The following SCIMP variants were observed in gnomAD, a reference collection of about 807,000 sequenced individuals.
The protein encoded by SCIMP is SLP adaptor and CSK interacting membrane protein.
In SCIMP, 18 loss-of-function variants were observed where a neutral mutation model predicts 22.0. That is an observed-to-expected ratio of 0.82 (90% CI 0.56 to 1.21). The LOEUF (loss-of-function observed/expected upper bound fraction) is 1.21, where lower values mean the gene tolerates loss of function less well. Ranked by LOEUF, SCIMP falls within the 50% of genes most tolerant of loss-of-function variation. The pLI, the probability that SCIMP is intolerant of heterozygous loss-of-function variation, is 0.00. For missense variants in SCIMP, 155 were observed against 171.2 expected (o/e 0.91, Z 0.53); for synonymous variants, 53 against 62.2 (o/e 0.85, Z 0.70).
intron 4 of SCIMP, chr17:5,213,692 C>CA (rs1317262457): frequency 2.6e-5 from 4 of 152,024 alleles, no homozygotes; most frequent in African/African-American, 9.7e-5. Context: ...ACTAAACATA[C>CA]AAAAAATTAG....
rs200038355 is a variant in SCIMP, at chr17:5,215,634, C to CA, written c.210-637dup. Among the ~76,000 whole-genome samples the CA allele has an allele frequency of 8.2e-3, 1,245 of 152,046 alleles. 16 individuals are homozygous for CA. The highest frequency in any genetic ancestry group is 0.028 in the African/African-American group (1,182 of 41,500). ...GTCTCAAAACAAACAAATAAAAAAA[C>CA]AAAAAACAAAAGCAGATGAACTCCT... On this transcript the variant is annotated intron_variant, in intron 3 of 4. Coordinates refer to ENST00000574081, the MANE Select transcript of SCIMP (RefSeq NM_207103.3).
intron 2 of SCIMP, 123 bp from the exon 3 acceptor site, chr17:5,221,473 A>G (rs551993721): frequency 1.7e-3 from 1,276 of 742,980 alleles, no homozygotes; most frequent in Non-Finnish European, 2.4e-3. Flanking sequence ...CTTAGAACCC[A>G]GACAGTCTAA....
chr17:5,228,965 C>T (rs2074673002), intron 1 of SCIMP, among the ~76,000 whole-genome samples: 1 of 152,182 alleles, frequency 6.6e-6, no homozygotes, highest in Non-Finnish European at 1.5e-5. Flanking sequence ...GGTCCAGTAA[C>T]TGAAATTACT....
intron 1 of SCIMP, among the ~76,000 whole-genome samples, chr17:5,228,730 TTTTA>T (rs1485807954): frequency 2.0e-5 from 3 of 152,128 alleles, no homozygotes; most frequent in African/African-American, 4.8e-5. Context: ...TATTTGTTCT[TTTTA>T]TTTGTTTGTT....
rs1276326900 is a variant in SCIMP, at chr17:5,232,216, GT to G, written c.21+2518del. 4.6e-5 allele frequency among the ~76,000 whole-genome samples: 7 copies of G among 152,246 alleles called. No homozygotes were observed. In the East Asian group the frequency reaches 1.3e-3, roughly 29 times the overall value. On this transcript the variant is annotated intron_variant, in intron 1 of 4. Coordinates refer to ENST00000574081, the MANE Select transcript of SCIMP (RefSeq NM_207103.3). Reference sequence around the variant, plus strand: ...AGCGCCGTGTTATGTTCTGTGTGCAGTTGTTTGCGCTGATGCGTTACAAGCC... The same window carrying G: ...AGCGCCGTGTTATGTTCTGTGTGCAGTGTTTGCGCTGATGCGTTACAAGCC...
intron 4 of SCIMP, 106 bp from the exon 5 acceptor site, chr17:5,211,061 C>G: frequency 2.7e-6 from 4 of 1,468,338 alleles, no homozygotes; most frequent in Non-Finnish European, 2.7e-6. Flanking sequence ...CTTCCCACTT[C>G]TAGTGGGCCA....
At chr17:5,225,090 T>C (rs1250390434) in intron 1 of SCIMP, among the ~76,000 whole-genome samples, 2 of 152,202 alleles carry the variant, frequency 1.3e-5, no homozygotes, top group African/African-American at 4.8e-5. Context: ...TCTAGGACAG[T>C]AATGCCTCAT....
At chr17:5,220,107 C>T (rs78034321) in intron 3 of SCIMP, among the ~76,000 whole-genome samples, 6,696 of 152,234 alleles carry the variant, frequency 0.044, 224 homozygotes, top group Non-Finnish European at 0.068. Flanking sequence ...AGATCCCCAA[C>T]GCAGATATTG....
At chr17:5,224,663 G>A (rs1293683877) in intron 1 of SCIMP, among the ~76,000 whole-genome samples, 1 of 151,712 alleles carries the variant, frequency 6.6e-6, no homozygotes, top group Non-Finnish European at 1.5e-5. Flanking sequence ...CATCATGTTG[G>A]CCAAGCTAGT....
At chr17:5,228,341 G>A (rs2074667571) in intron 1 of SCIMP, among the ~76,000 whole-genome samples, 1 of 42,588 alleles carries the variant, frequency 2.3e-5, no homozygotes, top group African/African-American at 1.1e-4. Context: ...GCCAAATCTT[G>A]TCTCAAAAAA....
At chr17:5,233,297 T>C (rs2074717118) in intron 1 of SCIMP, among the ~76,000 whole-genome samples, 1 of 152,146 alleles carries the variant, frequency 6.6e-6, no homozygotes, top group Admixed American at 6.6e-5. Flanking sequence ...CGCTGGCCCC[T>C]AGCCCCCACT....
rs767954295 is a variant in SCIMP at position 5,210,865 on chromosome 17, A to G, written c.374T>C (p.Ile125Thr). ...ATCGTCATAGTCATCTTCAGGCTCA[A>G]TGTAGCTTGGGATGGAAACAGTCTT... is the stretch of plus-strand genomic sequence containing the variant. The part of the protein sequence containing the change: ...NKKTVSIPSY[I>T]EPEDDYDDVE... Residue 125 changes from isoleucine to threonine, a missense_variant, in exon 5 of 5, where the codon ATT becomes ACT. Transcript: ENST00000574081. 7 of 1,614,070 alleles carry G rather than the reference A, an allele frequency of 4.3e-6. No homozygotes were observed. Among genetic ancestry groups the G allele is most frequent in the Non-Finnish European group, 5.9e-6 (7 of 1,180,006 alleles).
At chr17:5,232,634 A>C (rs903966593) in intron 1 of SCIMP, among the ~76,000 whole-genome samples, 2 of 152,122 alleles carry the variant, frequency 1.3e-5, no homozygotes, top group Admixed American at 1.3e-4. Flanking sequence ...TGGCATGAGC[A>C]GTTCTTGCCC....
In SCIMP at chr17:5,221,235, G is replaced by A. The variant is rs775154711; in HGVS notation, c.209+52C>T. ...CGGTAGTGGAGGGGCAAGGGTGGAA[G>A]GGAACAGGCAGTTCTCAACAGTAAA... On this transcript the variant is annotated intron_variant, in intron 3 of 4. Transcript: ENST00000574081. 15 of 1,318,686 alleles carry A rather than the reference G, an allele frequency of 1.1e-5. No homozygotes were observed. The South Asian group carries it at 1.8e-4, about 15-fold the overall frequency. 81.7% of individuals were successfully genotyped at this position (1,318,686 alleles called of 1,614,324 possible).
chr17:5,222,836 T>C (rs908752087), intron 2 of SCIMP, among the ~76,000 whole-genome samples: 1 of 152,098 alleles, frequency 6.6e-6, no homozygotes, highest in Non-Finnish European at 1.5e-5. Context: ...AGCTAATTTT[T>C]GTATTTTTAG....
chr17:5,229,889 ACTCCTCTCCTCTCCGGTCCT>A (rs1567844123), intron 1 of SCIMP, among the ~76,000 whole-genome samples: 1 of 80,324 alleles, frequency 1.2e-5, no homozygotes, highest in East Asian at 4.4e-4. Context: ...TCTCCTCTCC[ACTCCTCTCCTCTCCGGTCCT>A]CTCCTCTCTC....
At chr17:5,231,545 A>C (rs1312185170) in intron 1 of SCIMP, among the ~76,000 whole-genome samples, 1 of 152,076 alleles carries the variant, frequency 6.6e-6, no homozygotes, top group Non-Finnish European at 1.5e-5. Flanking sequence ...CATTTTGTGA[A>C]CCTGCATCCT....
intron 1 of SCIMP, among the ~76,000 whole-genome samples, chr17:5,228,216 C>T (rs753021147): frequency 5.9e-5 from 9 of 151,446 alleles, no homozygotes; most frequent in South Asian, 2.1e-4. Flanking sequence ...CATGGTGGCA[C>T]GCGCCTGTGG....
intron 1 of SCIMP, among the ~76,000 whole-genome samples, chr17:5,233,373 A>AGTTT (rs10692963): frequency 0.83 from 125,453 of 151,180 alleles, 53,946 homozygotes; most frequent in Non-Finnish European, 0.94. Flanking sequence ...GCCTCTCAGT[A>AGTTT]GTTTGTTTGT....
Sources: allele counts gnomAD v4.1 joint callset (sites outside exome capture counted in the v4.1 genomes callset), GRCh38; gene constraint gnomAD v4.1.1; transcripts MANE v1.5; gene names NCBI Gene and HGNC (gene_info 2026-07-23, HGNC 2026-07-21).